The following RBFOX1 variants were observed in gnomAD, a reference collection of about 807,000 sequenced individuals.
RBFOX1 encodes the protein RNA binding fox-1 homolog 1.
A neutral mutation model predicts 57.7 loss-of-function variants in RBFOX1; 8 were observed. The ratio of observed to expected loss-of-function variants is 0.14; its 90% CI spans 0.08 to 0.25. The LOEUF (loss-of-function observed/expected upper bound fraction) is 0.25, where lower values mean the gene tolerates loss of function less well. Among genes scored for constraint, RBFOX1 ranks in the 10% least tolerant of loss-of-function variants. RBFOX1 has a pLI of 1.00. For synonymous variants in RBFOX1, 326 were observed against 222.4 expected, an observed-to-expected ratio of 1.47 and a Z score of -4.15; for missense variants, 611 against 548.5, an observed-to-expected ratio of 1.11 and a Z score of -1.14.
intron 12 of RBFOX1, among the ~76,000 whole-genome samples, chr16:7,658,249 C>T (rs2145194073): frequency 6.6e-6 from 1 of 152,228 alleles, no homozygotes; most frequent in Middle Eastern, 3.4e-3. Flanking sequence ...CATGTCTCTC[C>T]CTCTATGCAT....
intron 4 of RBFOX1, among the ~76,000 whole-genome samples, chr16:7,295,815 A>G (rs2095877177): frequency 6.6e-6 from 1 of 152,148 alleles, no homozygotes; most frequent in African/African-American, 2.4e-5. Context: ...ATTGAGGAAC[A>G]AGAATAAACT....
At chr16:5,820,489 G>T (rs943702522) in intron 3 of RBFOX1, among the ~76,000 whole-genome samples, 1 of 152,074 alleles carries the variant, frequency 6.6e-6, no homozygotes, top group African/African-American at 2.4e-5. Flanking sequence ...GCAGCTGCCC[G>T]CACGTTTCTA....
At chr16:5,909,066 T>C (rs761347235) in intron 4 of RBFOX1, among the ~76,000 whole-genome samples, 36 of 149,844 alleles carry the variant, frequency 2.4e-4, no homozygotes, top group Non-Finnish European at 4.7e-4. Context: ...TTTTATTATA[T>C]CGGCTCCAAC....
intron 3 of RBFOX1, among the ~76,000 whole-genome samples, chr16:6,789,532 TA>T (rs1872307496): frequency 6.6e-6 from 1 of 152,224 alleles, no homozygotes; most frequent in African/African-American, 2.4e-5. Flanking sequence ...TGTGCAAATT[TA>T]AGCAAATTAT....
At chr16:6,064,466 A>G (rs1423589375) in intron 1 of RBFOX1, among the ~76,000 whole-genome samples, 2 of 152,224 alleles carry the variant, frequency 1.3e-5, no homozygotes, top group Admixed American at 6.5e-5. Flanking sequence ...TAGTACTCCA[A>G]GTGGGCAATG....
At chr16:5,496,560 A>G (rs74004335) in intron 2 of RBFOX1, among the ~76,000 whole-genome samples, 1,749 of 152,166 alleles carry the variant, frequency 0.011, 38 homozygotes, top group African/African-American at 0.04. Flanking sequence ...ATCAGGCATC[A>G]TTTAGGAGGA....
intron 2 of RBFOX1, among the ~76,000 whole-genome samples, chr16:5,559,314 C>T (rs9888783): frequency 1.3e-5 from 2 of 152,030 alleles, no homozygotes; most frequent in African/African-American, 2.4e-5. Context: ...AATTCCATGA[C>T]GTACATCTTA....
chr16:6,867,706 C>T (rs1292317139), intron 3 of RBFOX1, among the ~76,000 whole-genome samples: 1 of 152,024 alleles, frequency 6.6e-6, no homozygotes, highest in East Asian at 1.9e-4. Flanking sequence ...GACTCTGTCT[C>T]AGAAGGACAA....
chr16:6,953,528 G>C lies in RBFOX1; in HGVS notation c.-15-98529G>C, dbSNP rs185432087. Reference sequence around the variant, plus strand: ...AGCCTCCCGAGTAGCTGGGATTACGGGGGTGTGTCACCACACCTGGCTAAT... The same window carrying C: ...AGCCTCCCGAGTAGCTGGGATTACGCGGGTGTGTCACCACACCTGGCTAAT... On this transcript the variant is annotated intron_variant, in intron 3 of 15. Coordinates refer to ENST00000550418, the MANE Select transcript of RBFOX1 (RefSeq NM_018723.4). Among the ~76,000 whole-genome samples the C allele has an allele frequency of 3.6e-3, 552 of 152,100 alleles. 3 individuals are homozygous for C. Among genetic ancestry groups the C allele is most frequent in the African/African-American group, 0.013 (524 of 41,472 alleles).
chr16:6,246,319 G>A (rs1004711932), intron 1 of RBFOX1, among the ~76,000 whole-genome samples: 2 of 152,128 alleles, frequency 1.3e-5, no homozygotes, highest in African/African-American at 4.8e-5. Context: ...TACTCTTGCT[G>A]TAGACAGACA....
intron 3 of RBFOX1, among the ~76,000 whole-genome samples, chr16:5,684,028 A>G (rs2050427319): frequency 6.6e-6 from 1 of 152,054 alleles, no homozygotes; most frequent in Admixed American, 6.6e-5. Flanking sequence ...ATGCATTATT[A>G]GCTTTTAAAA....
At chr16:5,794,511 CGT>C (rs59795545) in intron 3 of RBFOX1, among the ~76,000 whole-genome samples, 33 of 149,298 alleles carry the variant, frequency 2.2e-4, no homozygotes, top group Admixed American at 2.7e-4. Context: ...TGCCAGCGTG[CGT>C]GTGTGTGTGT....
chr16:6,653,435 C>A (rs1252873028), intron 2 of RBFOX1, among the ~76,000 whole-genome samples: 1 of 152,110 alleles, frequency 6.6e-6, no homozygotes, highest in East Asian at 1.9e-4. Flanking sequence ...GAAATATCTT[C>A]CATTTGAATA....
chr16:6,735,898 G>C (rs1288167317), intron 3 of RBFOX1, among the ~76,000 whole-genome samples: 1 of 149,922 alleles, frequency 6.7e-6, no homozygotes, highest in African/African-American at 2.4e-5. Flanking sequence ...GCAGATGGTT[G>C]AAGAATGAGG....
At chr16:7,644,377 T>C (rs565854184) in intron 11 of RBFOX1, among the ~76,000 whole-genome samples, 3 of 152,314 alleles carry the variant, frequency 2.0e-5, no homozygotes, top group Admixed American at 1.3e-4. Flanking sequence ...TAATGGAGCC[T>C]CAGAGGTTGG....
intron 3 of RBFOX1, among the ~76,000 whole-genome samples, chr16:5,778,505 C>A (rs1444496992): frequency 2.0e-5 from 3 of 152,142 alleles, no homozygotes; most frequent in Non-Finnish European, 1.5e-5. Flanking sequence ...GACATCTCAC[C>A]ATTTTGTCAC....
chr16:5,779,929 T>C (rs1032525085), intron 3 of RBFOX1, among the ~76,000 whole-genome samples: 1 of 152,110 alleles, frequency 6.6e-6, no homozygotes, highest in Admixed American at 6.6e-5. Context: ...GATCTGAGAG[T>C]TTTCGAAAAT....
At chr16:5,415,754 A>G (rs941340094) in intron 1 of RBFOX1, among the ~76,000 whole-genome samples, 2 of 152,212 alleles carry the variant, frequency 1.3e-5, no homozygotes, top group Non-Finnish European at 1.5e-5. Context: ...TAAAGAGAAA[A>G]TATTAAGGAA....
At chr16:7,696,117 T>A (rs530168996) in intron 14 of RBFOX1, among the ~76,000 whole-genome samples, 4 of 152,226 alleles carry the variant, frequency 2.6e-5, no homozygotes, top group African/African-American at 9.6e-5. Context: ...CCACATGGAA[T>A]AGGCATTTTT....
Sources: allele counts gnomAD v4.1 joint callset (sites outside exome capture counted in the v4.1 genomes callset), GRCh38; gene constraint gnomAD v4.1.1; transcripts MANE v1.5; gene names NCBI Gene and HGNC (gene_info 2026-07-23, HGNC 2026-07-21).